The following SRD5A2 variants were observed in gnomAD, a reference collection of about 807,000 sequenced individuals.
The protein encoded by SRD5A2 is steroid 5 alpha-reductase 2.
A neutral mutation model predicts 27.4 loss-of-function variants in SRD5A2; 30 were observed. The ratio of observed to expected loss-of-function variants is 1.10; its 90% CI spans 0.82 to 1.49. The LOEUF (loss-of-function observed/expected upper bound fraction) is 1.49. Ranked by LOEUF, SRD5A2 falls within the 40% of genes most tolerant of loss-of-function variation. The pLI is 0.00. For missense variants in SRD5A2, 348 were observed against 323.4 expected (o/e 1.08, Z -0.58); for synonymous variants, 141 against 133.6 (o/e 1.06, Z -0.38).
At chr2:31,612,905 C>G in the SRD5A2 span, among the ~76,000 whole-genome samples, 1 of 152,262 alleles carries the variant, frequency 6.6e-6, no homozygotes, top group South Asian at 2.1e-4. Flanking sequence ...GTGCCAAGAA[C>G]ACACCATAGG....
At chr2:31,651,468 G>A in the SRD5A2 span, 3 of 230,072 alleles carry the variant, frequency 1.3e-5, no homozygotes, top group African/African-American at 2.3e-5. Context: ...CAGACTTATG[G>A]TAATGTACAT....
chr2:31,589,996 C>T, the SRD5A2 span, among the ~76,000 whole-genome samples: 1 of 152,142 alleles, frequency 6.6e-6, no homozygotes, highest in Admixed American at 6.5e-5. Flanking sequence ...TGCCTGTTTT[C>T]CCCCGCTTCC....
At chr2:31,551,756 GA>G (rs796435497) in intron 1 of SRD5A2, among the ~76,000 whole-genome samples, 125 of 150,186 alleles carry the variant, frequency 8.3e-4, no homozygotes, top group African/African-American at 2.8e-3. Flanking sequence ...AAAATAATTG[GA>G]AAAAAAAAGT....
chr2:31,661,260 T>C, the SRD5A2 span, among the ~76,000 whole-genome samples: 6 of 152,156 alleles, frequency 3.9e-5, no homozygotes, highest in East Asian at 3.8e-4. Flanking sequence ...TTCCTACTCA[T>C]TGAGTCTGAG....
At chr2:31,568,856 G>A (rs1305842514) in intron 1 of SRD5A2, among the ~76,000 whole-genome samples, 1 of 152,244 alleles carries the variant, frequency 6.6e-6, no homozygotes, top group East Asian at 1.9e-4. Flanking sequence ...GGCGGCAGGG[G>A]GCTGGTGTGT....
chr2:31,650,130 T>C, the SRD5A2 span, among the ~76,000 whole-genome samples: 1 of 152,076 alleles, frequency 6.6e-6, no homozygotes, highest in Non-Finnish European at 1.5e-5. Context: ...CTAAATAGGA[T>C]AAACTATTTT....
At chr2:31,578,070 T>TA (rs988331135) in intron 1 of SRD5A2, among the ~76,000 whole-genome samples, 1 of 152,090 alleles carries the variant, frequency 6.6e-6, no homozygotes, top group African/African-American at 2.4e-5. Context: ...TAAACAGAAC[T>TA]AAAAAACCAT....
rs537822051 is a variant in SRD5A2, at chr2:31,564,659, A to T, written c.281+15961T>A. Among the ~76,000 whole-genome samples the T allele has an allele frequency of 2.6e-5, 4 of 152,036 alleles. No individual in the cohort carries two copies. The South Asian group carries it at 8.3e-4, about 31-fold the overall frequency. On this transcript the variant is annotated intron_variant, in intron 1 of 4. Coordinates refer to ENST00000622030, the MANE Select transcript of SRD5A2 (RefSeq NM_000348.4). ...ATTAAAAGTAGGCAAAGATAAGAAG[A>T]TACGTTAAGTACAGAGGACAAGGAT...
At chr2:31,555,174 C>T (rs960293400) in intron 1 of SRD5A2, among the ~76,000 whole-genome samples, 2 of 151,598 alleles carry the variant, frequency 1.3e-5, no homozygotes, top group East Asian at 1.9e-4. Flanking sequence ...AAAAATCCCA[C>T]ATGTCGCTCA....
chr2:31,597,415 C>T, the SRD5A2 span, among the ~76,000 whole-genome samples: 2 of 151,814 alleles, frequency 1.3e-5, no homozygotes, highest in East Asian at 3.9e-4. Context: ...TTGCCTTAGT[C>T]AAAGAGTTCA....
the SRD5A2 span, among the ~76,000 whole-genome samples, chr2:31,641,635 T>C: frequency 3.9e-5 from 6 of 152,146 alleles, no homozygotes; most frequent in Admixed American, 2.6e-4. Flanking sequence ...CGTGGTATTA[T>C]TCCTAAGATA....
intron 1 of SRD5A2, among the ~76,000 whole-genome samples, chr2:31,549,799 A>G (rs774048295): frequency 6.6e-6 from 1 of 152,188 alleles, no homozygotes; most frequent in Non-Finnish European, 1.5e-5. Context: ...TTCAACACCC[A>G]TTTCTAAACC....
chr2:31,611,793 GA>G, the SRD5A2 span, among the ~76,000 whole-genome samples: 1 of 152,078 alleles, frequency 6.6e-6, no homozygotes, highest in Non-Finnish European at 1.5e-5. Flanking sequence ...CTAAGACCCA[GA>G]AATTTCACTA....
At chr2:31,594,694 C>T in the SRD5A2 span, among the ~76,000 whole-genome samples, 1 of 152,076 alleles carries the variant, frequency 6.6e-6, no homozygotes, top group South Asian at 2.1e-4. Context: ...AAACTATACC[C>T]TATAACAAAT....
At chr2:31,606,517 C>A in the SRD5A2 span, among the ~76,000 whole-genome samples, 1 of 151,848 alleles carries the variant, frequency 6.6e-6, no homozygotes, top group Non-Finnish European at 1.5e-5. Context: ...TTTCCCCATG[C>A]AGTCAGTATG....
At chr2:31,600,112 C>T in the SRD5A2 span, among the ~76,000 whole-genome samples, 1 of 151,950 alleles carries the variant, frequency 6.6e-6, no homozygotes. Context: ...CATTAGTTTG[C>T]TAAGTATAGT....
the SRD5A2 span, among the ~76,000 whole-genome samples, chr2:31,659,130 A>T: frequency 6.6e-6 from 1 of 152,132 alleles, no homozygotes; most frequent in East Asian, 1.9e-4. Context: ...AAAATTCAAC[A>T]TCACTTCATG....
At chr2:31,612,776 C>A in the SRD5A2 span, among the ~76,000 whole-genome samples, 1 of 152,090 alleles carries the variant, frequency 6.6e-6, no homozygotes, top group African/African-American at 2.4e-5. Context: ...ATATTACAAA[C>A]CTACTGTAAT....
At chr2:31,612,284 A>T in the SRD5A2 span, among the ~76,000 whole-genome samples, 1 of 151,292 alleles carries the variant, frequency 6.6e-6, no homozygotes, top group Non-Finnish European at 1.5e-5. Context: ...GCGTCTCAAA[A>T]TTAAAAAAAA....
Sources: gnomAD v4.1 joint callset for allele counts (sites outside exome capture counted in the v4.1 genomes callset) on GRCh38, gnomAD v4.1.1 for gene constraint, MANE v1.5 for transcripts, NCBI Gene and HGNC (gene_info 2026-07-23, HGNC 2026-07-21) for gene names.